The following RPN2 variants were observed in gnomAD, a reference collection of about 807,000 sequenced individuals.
RPN2 encodes the protein ribophorin II, also known as dolichyl-diphosphooligosaccharide--protein glycosyltransferase subunit 2.
Under a neutral mutation model 71.4 loss-of-function variants are expected in RPN2, and 29 were observed. That is an observed-to-expected ratio of 0.41 (90% confidence interval 0.30 to 0.55). The LOEUF (loss-of-function observed/expected upper bound fraction) is 0.55, where lower values mean the gene tolerates loss of function less well. Among genes scored for constraint, RPN2 ranks in the 20% least tolerant of loss-of-function variants. The probability of loss-of-function intolerance (pLI) is 0.35; values close to 1 mark genes in which losing one functional copy is unlikely to be tolerated. For missense variants in RPN2, 726 were observed against 774.1 expected (o/e 0.94, Z 0.74); for synonymous variants, 308 against 305.0 (o/e 1.01, Z -0.10).
chr20:37,181,817 C>G (rs2066890174), intron 1 of RPN2, among the ~76,000 whole-genome samples: 1 of 152,206 alleles, frequency 6.6e-6, no homozygotes, highest in Non-Finnish European at 1.5e-5. Context: ...CTTAGTCCTT[C>G]ATAGACTACC....
intron 4 of RPN2, among the ~76,000 whole-genome samples, chr20:37,201,002 GCTATTTCAT>G (rs2067375022): frequency 6.6e-6 from 1 of 152,146 alleles, no homozygotes; most frequent in Non-Finnish European, 1.5e-5. Context: ...TTGAACACCA[GCTATTTCAT>G]TCCTTGTGTC....
chr20:37,241,355 A>G lies in RPN2; in HGVS notation c.*40A>G, dbSNP rs1399868396. 3.7e-6 allele frequency: 6 copies of G among 1,608,852 alleles called. No homozygotes were observed. The highest frequency in any genetic ancestry group is 1.7e-5 in the Admixed American group (1 of 59,792). ...TGGAAATTCTGAAAACTGAATGTCAAGAAAAGGAGTCAAGAACAATTCACA... is the reference window on the plus strand; with the variant it reads ...TGGAAATTCTGAAAACTGAATGTCAGGAAAAGGAGTCAAGAACAATTCACA... On this transcript the variant is annotated 3_prime_UTR_variant, in exon 17 of 17. Coordinates refer to ENST00000237530, the MANE Select transcript of RPN2 (RefSeq NM_002951.5).
At chr20:37,220,547 C>T (rs1173764256) in intron 9 of RPN2, among the ~76,000 whole-genome samples, 1 of 152,138 alleles carries the variant, frequency 6.6e-6, no homozygotes, top group Non-Finnish European at 1.5e-5. Flanking sequence ...GGCGTTAAAA[C>T]ATTTTTTGAG....
At chr20:37,210,792 T>G (rs2146610881) in intron 8 of RPN2, among the ~76,000 whole-genome samples, 1 of 152,088 alleles carries the variant, frequency 6.6e-6, no homozygotes, top group Middle Eastern at 3.4e-3. Flanking sequence ...TCGGCCTCCC[T>G]AAGTGCTGAG....
At chr20:37,232,494 A>G in intron 14 of RPN2, 103 bp downstream of exon 14, 1 of 1,361,862 alleles carries the variant, frequency 7.3e-7, no homozygotes. Flanking sequence ...GTAAAGCTCC[A>G]GAGGGGTCCA....
At chr20:37,203,125 G>A (rs972514443) in intron 4 of RPN2, among the ~76,000 whole-genome samples, 5 of 152,038 alleles carry the variant, frequency 3.3e-5, no homozygotes, top group Non-Finnish European at 7.4e-5. Context: ...AGGTCTCACT[G>A]TATTGCCCAG....
intron 9 of RPN2, among the ~76,000 whole-genome samples, chr20:37,214,161 C>G (rs968933622): frequency 1.3e-5 from 2 of 152,136 alleles, no homozygotes; most frequent in Non-Finnish European, 2.9e-5. Context: ...AAAAATCACC[C>G]ATAATTCCAC....
At chr20:37,188,062 G>A (rs919712813) in intron 2 of RPN2, among the ~76,000 whole-genome samples, 1 of 151,968 alleles carries the variant, frequency 6.6e-6, no homozygotes, top group African/African-American at 2.4e-5. Flanking sequence ...ATTTCTCACG[G>A]TATATCTTGA....
intron 2 of RPN2, among the ~76,000 whole-genome samples, chr20:37,184,595 A>G (rs1196436280): frequency 6.6e-6 from 1 of 152,238 alleles, no homozygotes; most frequent in Non-Finnish European, 1.5e-5. Flanking sequence ...GTTCGAGACC[A>G]GCCTGGCCAG....
rs1268722987 is a variant in RPN2 at position 37,187,274 on chromosome 20, G to C, written c.207+2901G>C. ...TCCCAGCACTTTGGGAGGCCGAGGC[G>C]GGCGGATCACGAGGTCAGGAGATCG... On this transcript the variant is annotated intron_variant, in intron 2 of 16. Transcript: ENST00000237530. Among the ~76,000 whole-genome samples, 2 of 9,266 alleles carry C rather than the reference G, an allele frequency of 2.2e-4. 1 individual carries two copies. Among genetic ancestry groups the C allele is most frequent in the African/African-American group, 8.1e-4 (2 of 2,456 alleles). The allele number at this position is 9,266 out of a possible 152,430, so 6.1% of individuals were successfully genotyped here.
chr20:37,187,004 C>T (rs1020675962), intron 2 of RPN2, among the ~76,000 whole-genome samples: 1 of 152,150 alleles, frequency 6.6e-6, no homozygotes, highest in Non-Finnish European at 1.5e-5. Context: ...GTGCTGTGGA[C>T]TTCCTATTAA....
At chr20:37,221,780 T>C (rs2067964898) in intron 9 of RPN2, among the ~76,000 whole-genome samples, 1 of 152,268 alleles carries the variant, frequency 6.6e-6, no homozygotes, top group African/African-American at 2.4e-5. Flanking sequence ...GGAGGGCTGC[T>C]AAGCCCATCA....
intron 6 of RPN2, among the ~76,000 whole-genome samples, chr20:37,206,556 T>A (rs955712400): frequency 6.6e-6 from 1 of 152,174 alleles, no homozygotes; most frequent in Non-Finnish European, 1.5e-5. Context: ...CTTTTATAGT[T>A]TTTGTCAAAA....
At chr20:37,232,220 T>G in intron 13 of RPN2, 76 bp from the exon 14 acceptor site, 1 of 1,566,568 alleles carries the variant, frequency 6.4e-7, no homozygotes, top group Non-Finnish European at 8.8e-7. Flanking sequence ...ACATTGATGC[T>G]TTGGTCCCCG....
intron 1 of RPN2, among the ~76,000 whole-genome samples, chr20:37,180,576 G>T (rs138092888): frequency 6.6e-6 from 1 of 152,246 alleles, no homozygotes; most frequent in East Asian, 1.9e-4. Context: ...AATGCTAGTC[G>T]CAGCCATTCA....
At position 37,207,409 on chromosome 20, in the gene RPN2, A is replaced by C; in HGVS notation, c.827A>C (p.Glu276Ala). Residue 276 changes from glutamate (E) to alanine (A), a missense_variant, in exon 7 of 17, where the codon GAG (glutamate) becomes GCG (alanine). By Grantham distance (107) the Glu-to-Ala change is moderately radical. Coordinates refer to ENST00000237530, the MANE Select transcript of RPN2 (RefSeq NM_002951.5). ...RYHVPVVVVP[E>A]GSASDTHEQA... ...CACGTGCCAGTTGTGGTTGTGCCTG[A>C]GGGCTCTGCTTCCGACACTCATGAA... 1 of 1,614,208 alleles carries C rather than the reference A, an allele frequency of 6.2e-7. No homozygotes were observed. The highest frequency in any genetic ancestry group is 8.5e-7 in the Non-Finnish European group (1 of 1,180,024).
At chr20:37,203,784 G>T in intron 4 of RPN2, 101 bp from the exon 5 acceptor site, 2 of 843,436 alleles carry the variant, frequency 2.4e-6, no homozygotes, top group South Asian at 1.4e-5. Context: ...TACTTCTAAA[G>T]AACAAGAGTA....
intron 2 of RPN2, among the ~76,000 whole-genome samples, chr20:37,189,226 C>T (rs1045185228): frequency 2.6e-5 from 4 of 152,158 alleles, no homozygotes; most frequent in Admixed American, 6.6e-5. Flanking sequence ...TGAGCCACCC[C>T]TCTCAGCAAT....
intron 16 of RPN2, among the ~76,000 whole-genome samples, chr20:37,239,823 C>T (rs2146726056): frequency 6.6e-6 from 1 of 152,326 alleles, no homozygotes; most frequent in Admixed American, 6.5e-5. Flanking sequence ...TTTCATCCTA[C>T]ATTATAGTCA....
Sources: allele counts gnomAD v4.1 joint callset (sites outside exome capture counted in the v4.1 genomes callset), GRCh38; gene constraint gnomAD v4.1.1; transcripts MANE v1.5; gene names NCBI Gene and HGNC (gene_info 2026-07-23, HGNC 2026-07-21).